The following RBFOX1 variants were observed in gnomAD, a reference collection of about 807,000 sequenced individuals.
The protein encoded by RBFOX1 is RNA binding protein fox-1 homolog 1.
RBFOX1 carries 8 observed loss-of-function variants against 57.7 expected under a neutral mutation model. The observed-to-expected ratio is 0.14, with a 90% CI of 0.08 to 0.25. RBFOX1 has a LOEUF of 0.25. Ranked by LOEUF, RBFOX1 falls within the 10% of genes least tolerant of loss-of-function variation. The pLI is 1.00. For missense variants in RBFOX1, 611 were observed against 548.5 expected, an observed-to-expected ratio of 1.11 and a Z score of -1.14; for synonymous variants, 326 against 222.4, an observed-to-expected ratio of 1.47 and a Z score of -4.15.
intron 4 of RBFOX1, among the ~76,000 whole-genome samples, chr16:7,052,939 T>A (rs2050607168): frequency 6.6e-6 from 1 of 152,208 alleles, no homozygotes; most frequent in African/African-American, 2.4e-5. Context: ...TGTTTTCAAA[T>A]TGTTATAAAA....
chr16:6,908,800 C>G (rs1175293287), intron 3 of RBFOX1, among the ~76,000 whole-genome samples: 4 of 152,134 alleles, frequency 2.6e-5, no homozygotes, highest in African/African-American at 7.2e-5. Context: ...GCCCAGTTAC[C>G]TCATTGATAA....
chr16:7,681,204 G>A (rs2074644851), intron 14 of RBFOX1, among the ~76,000 whole-genome samples: 1 of 152,078 alleles, frequency 6.6e-6, no homozygotes, highest in African/African-American at 2.4e-5. Flanking sequence ...ATACATCCAT[G>A]CTTACACATA....
chr16:7,132,682 G>A (rs1393781720), intron 4 of RBFOX1, among the ~76,000 whole-genome samples: 1 of 151,564 alleles, frequency 6.6e-6, no homozygotes, highest in African/African-American at 2.4e-5. Context: ...GCACACTTCA[G>A]CATGGATATT....
At chr16:6,238,388 C>G (rs1317309032) in intron 1 of RBFOX1, among the ~76,000 whole-genome samples, 1 of 152,116 alleles carries the variant, frequency 6.6e-6, no homozygotes, top group African/African-American at 2.4e-5. Flanking sequence ...TATGTTAATT[C>G]CCTTTATTTC....
intron 6 of RBFOX1, among the ~76,000 whole-genome samples, chr16:7,586,974 G>A (rs892741599): frequency 6.6e-6 from 1 of 152,112 alleles, no homozygotes; most frequent in Non-Finnish European, 1.5e-5. Flanking sequence ...TCAGTGCCTG[G>A]GAAAGCAGAC....
intron 3 of RBFOX1, among the ~76,000 whole-genome samples, chr16:5,621,935 G>A (rs1024334846): frequency 6.6e-6 from 1 of 152,168 alleles, no homozygotes; most frequent in Admixed American, 6.5e-5. Context: ...GCTGCCAAAA[G>A]CCACTGGCCC....
chr16:6,205,191 G>A (rs2097246422), intron 1 of RBFOX1, among the ~76,000 whole-genome samples: 1 of 152,198 alleles, frequency 6.6e-6, no homozygotes, highest in African/African-American at 2.4e-5. Flanking sequence ...TTGACATTTG[G>A]GTTACTGCTT....
chr16:6,635,781 C>A (rs535085005), intron 2 of RBFOX1, among the ~76,000 whole-genome samples: 4 of 152,246 alleles, frequency 2.6e-5, no homozygotes, highest in Admixed American at 2.6e-4. Flanking sequence ...TTTTGATGCA[C>A]TTGACCAGTC....
intron 5 of RBFOX1, among the ~76,000 whole-genome samples, chr16:7,566,686 C>G (rs142179475): frequency 2.6e-5 from 4 of 152,202 alleles, no homozygotes; most frequent in Non-Finnish European, 5.9e-5. Context: ...GACCATTTAG[C>G]CAGTTTCACA....
At chr16:7,526,299 A>G (rs751625461) in intron 5 of RBFOX1, among the ~76,000 whole-genome samples, 4 of 152,118 alleles carry the variant, frequency 2.6e-5, no homozygotes, top group Admixed American at 6.6e-5. Context: ...CTCTTGACCA[A>G]TGGCTTAGAA....
chr16:7,225,298 C>G (rs889252452), intron 4 of RBFOX1, among the ~76,000 whole-genome samples: 2 of 152,044 alleles, frequency 1.3e-5, no homozygotes, highest in African/African-American at 4.8e-5. Context: ...GTGGGAGGGA[C>G]TTGATGGGAG....
intron 4 of RBFOX1, among the ~76,000 whole-genome samples, chr16:7,192,389 T>G (rs2046129068): frequency 6.6e-6 from 1 of 152,150 alleles, no homozygotes; most frequent in Non-Finnish European, 1.5e-5. Flanking sequence ...ATCCTAGTAG[T>G]GTTTGCTTAG....
chr16:7,121,124 G>C (rs2151805035), intron 4 of RBFOX1, among the ~76,000 whole-genome samples: 1 of 152,176 alleles, frequency 6.6e-6, no homozygotes, highest in East Asian at 1.9e-4. Context: ...CAACCTGGTA[G>C]AGGATGTCAA....
intron 2 of RBFOX1, among the ~76,000 whole-genome samples, chr16:6,629,355 C>T (rs1046290956): frequency 3.9e-5 from 6 of 151,980 alleles, no homozygotes; most frequent in East Asian, 1.9e-4. Context: ...CAGTGTTGCT[C>T]GTTTAATTGA....
Position 5,290,253 on chromosome 16 carries a change from T to G in RBFOX1, c.219+50148T>G, listed in dbSNP as rs532477557. On this transcript the variant is annotated intron_variant, in intron 1 of 2. Transcript: ENST00000585867. ...GGCAGACGCCTCTAATCCCAGCTAC[T>G]TGGGAGGCTGAGGCAGGAGAATTGC... Among the ~76,000 whole-genome samples, 3 of 152,246 alleles carry G rather than the reference T, an allele frequency of 2.0e-5. No individual in the cohort carries two copies. In the East Asian group the frequency reaches 5.8e-4, roughly 29 times the overall value.
intron 1 of RBFOX1, among the ~76,000 whole-genome samples, chr16:6,274,727 C>G (rs369213212): frequency 2.6e-5 from 4 of 152,128 alleles, no homozygotes; most frequent in African/African-American, 9.7e-5. Context: ...TTATTGCCTA[C>G]AAATTCATAT....
intron 4 of RBFOX1, among the ~76,000 whole-genome samples, chr16:7,061,021 C>T (rs772244427): frequency 1.4e-5 from 1 of 70,232 alleles, no homozygotes; most frequent in Admixed American, 1.5e-4. Context: ...TGTATGTTCT[C>T]CTGTGTGTGT....
intron 1 of RBFOX1, among the ~76,000 whole-genome samples, chr16:6,098,493 C>T (rs977339923): frequency 5.9e-5 from 9 of 152,318 alleles, no homozygotes; most frequent in African/African-American, 2.2e-4. Context: ...CACTAAGCAC[C>T]TTTTGAGTTC....
At chr16:6,483,155 C>T (rs1376723766) in intron 2 of RBFOX1, 1 of 1,084,072 alleles carries the variant, frequency 9.2e-7, no homozygotes, top group East Asian at 7.2e-5. Context: ...TTTGCAAAAA[C>T]ATTGGGCGTC....
Sources: gnomAD v4.1 joint callset for allele counts (sites outside exome capture counted in the v4.1 genomes callset) on GRCh38, gnomAD v4.1.1 for gene constraint, MANE v1.5 for transcripts, NCBI Gene and HGNC (gene_info 2026-07-23, HGNC 2026-07-21) for gene names.